CRHR2: variants seen among roughly 807,000 people sequenced by gnomAD.
CRHR2 encodes corticotropin-releasing hormone receptor 2.
CRHR2 carries 53 observed loss-of-function variants against 57.9 expected under a neutral mutation model. The ratio of observed to expected loss-of-function variants is 0.92; its 90% CI spans 0.73 to 1.15. The LOEUF is 1.15. Among genes scored for constraint, CRHR2 ranks in the 50% most tolerant of loss-of-function variants. The probability of loss-of-function intolerance (pLI) is 0.00; values close to 1 mark genes in which losing one functional copy is unlikely to be tolerated. For missense variants in CRHR2, 532 were observed against 542.6 expected, an observed-to-expected ratio of 0.98 and a Z score of 0.19; for synonymous variants, 213 against 220.9, an observed-to-expected ratio of 0.96 and a Z score of 0.32.
At chr7:30,692,850 G>A (rs898352227) in intron 1 of CRHR2, among the ~76,000 whole-genome samples, 6 of 152,178 alleles carry the variant, frequency 3.9e-5, no homozygotes, top group East Asian at 3.8e-4. Context: ...CCCACCAAAG[G>A]TCCCACTTCA....
upstream of CRHR2, among the ~76,000 whole-genome samples, chr7:30,683,298 G>A (rs535601829): frequency 6.6e-6 from 1 of 152,236 alleles, no homozygotes; most frequent in Admixed American, 6.5e-5. Flanking sequence ...TCTTCCTCAA[G>A]GCTTGGGCAG....
At chr7:30,664,573 A>G (rs1437851445) in intron 5 of CRHR2, among the ~76,000 whole-genome samples, 1 of 152,074 alleles carries the variant, frequency 6.6e-6, no homozygotes, top group Non-Finnish European at 1.5e-5. Context: ...ACTAGGATAA[A>G]TGTGTCTAGA....
At position 30,662,862 on chromosome 7, in the gene CRHR2, G is replaced by A; in HGVS notation, c.544-15C>T. ...CGGCACCAGACCTGTGTGCAGGGCA[G>A]AGAGGCTGTCAGGAGGCAGCTTGGG... On this transcript the variant is annotated splice_polypyrimidine_tract_variant and intron_variant, in intron 5 of 11. Transcript: ENST00000471646. 1.2e-6 allele frequency: 2 copies of A among 1,612,794 alleles called. No individual in the cohort carries two copies. Among genetic ancestry groups the A allele is most frequent in the Non-Finnish European group, 1.7e-6 (2 of 1,179,070 alleles).
At chr7:30,678,402 C>T (rs1414061177) in intron 2 of CRHR2, among the ~76,000 whole-genome samples, 1 of 152,292 alleles carries the variant, frequency 6.6e-6, no homozygotes, top group Middle Eastern at 3.4e-3. Flanking sequence ...GCCACTGAAG[C>T]GCCAGCACAG....
chr7:30,679,455 C>T (rs918432698), intron 2 of CRHR2, among the ~76,000 whole-genome samples: 1 of 152,032 alleles, frequency 6.6e-6, no homozygotes, highest in Non-Finnish European at 1.5e-5. Context: ...GGAGTGTGGG[C>T]GAGTGGGATT....
At chr7:30,662,657 C>A (rs374839242) in intron 6 of CRHR2, 37 bp downstream of exon 6, 27 of 1,598,990 alleles carry the variant, frequency 1.7e-5, no homozygotes, top group Non-Finnish European at 2.2e-5. Flanking sequence ...GAGAAGTCCT[C>A]CCCCCAACTA....
upstream of CRHR2, among the ~76,000 whole-genome samples, chr7:30,683,744 T>C (rs1438401655): frequency 6.6e-6 from 1 of 152,148 alleles, no homozygotes; most frequent in African/African-American, 2.4e-5. Context: ...AAGACATACA[T>C]GTGTGTTGTG....
chr7:30,697,969 A>C (rs548949058), intron 1 of CRHR2: 21 of 152,480 alleles, frequency 1.4e-4, no homozygotes, highest in Admixed American at 1.0e-3. Context: ...CCACAAGAAC[A>C]GGAACCAGAT....
At chr7:30,685,949 A>G (rs910877575), upstream of CRHR2, among the ~76,000 whole-genome samples, 1 of 151,882 alleles carries the variant, frequency 6.6e-6, no homozygotes, top group Non-Finnish European at 1.5e-5. Context: ...GTAATCATCT[A>G]TCCCTCATCC....
Position 30,653,809 on chromosome 7 carries a change from C to A in CRHR2, c.1096-209G>T, listed in dbSNP as rs1432185534. On this transcript the variant is annotated intron_variant, in intron 11 of 11. Transcript: ENST00000471646. This position sits in a 1 kb window ranked among gnomAD's most constrained non-coding sequence, Gnocchi z 5.0. Reference sequence around the variant, plus strand: ...TTTCCTGGAGAAGCTTGACTCCACACCTCCTTTACTCCACACTGTCCTCCC... The same window carrying A: ...TTTCCTGGAGAAGCTTGACTCCACAACTCCTTTACTCCACACTGTCCTCCC... 6.6e-6 allele frequency among the ~76,000 whole-genome samples: 1 copy of A among 152,162 alleles called. No homozygotes were observed. The highest frequency in any genetic ancestry group is 1.9e-4 in the East Asian group (1 of 5,180).
At chr7:30,693,328 C>A (rs1304072981) in intron 1 of CRHR2, among the ~76,000 whole-genome samples, 5 of 152,118 alleles carry the variant, frequency 3.3e-5, no homozygotes, top group Admixed American at 6.5e-5. Context: ...CCTTCCTACA[C>A]CTTGGGGAAG....
At chr7:30,692,444 G>A (rs1784980534) in intron 1 of CRHR2, among the ~76,000 whole-genome samples, 1 of 152,230 alleles carries the variant, frequency 6.6e-6, no homozygotes, top group East Asian at 1.9e-4. Context: ...GCGGTGCTCA[G>A]TGAATGCTCA....
intron 1 of CRHR2, among the ~76,000 whole-genome samples, chr7:30,690,164 C>T (rs865787099): frequency 2.2e-4 from 34 of 152,078 alleles, no homozygotes; most frequent in Non-Finnish European, 2.1e-4. Flanking sequence ...TACAGTTTTA[C>T]GGCATGTACG....
chr7:30,671,009 T>C (rs1784336199), intron 2 of CRHR2, among the ~76,000 whole-genome samples: 2 of 152,198 alleles, frequency 1.3e-5, no homozygotes, highest in Non-Finnish European at 2.9e-5. Context: ...GCTGACACTT[T>C]GCAAAGAGTT....
Position 30,682,171 on chromosome 7 carries a change from C to T in CRHR2, c.103+7G>A. On this transcript the variant is annotated splice_region_variant and intron_variant, in intron 1 of 11. Transcript: ENST00000471646. Reference sequence around the variant, plus strand: ...GCGCAGCCTCCGACCGCTCGCCTCCCGCCTACCCTCGGGGTCCAGGGGTGG... The same window carrying T: ...GCGCAGCCTCCGACCGCTCGCCTCCTGCCTACCCTCGGGGTCCAGGGGTGG... 1.3e-6 allele frequency: 2 copies of T among 1,565,958 alleles called. No individual in the cohort carries two copies. Among genetic ancestry groups the T allele is most frequent in the African/African-American group, 1.4e-5 (1 of 72,828 alleles).
intron 10 of CRHR2, 113 bp downstream of exon 10, chr7:30,655,467 G>A (rs1248197964): frequency 1.5e-6 from 2 of 1,313,316 alleles, no homozygotes; most frequent in Non-Finnish European, 2.1e-6. Flanking sequence ...CTCTGTGGAT[G>A]TAACTGAGCC....
intron 1 of CRHR2, among the ~76,000 whole-genome samples, chr7:30,694,850 G>T (rs1326281818): frequency 2.0e-5 from 3 of 149,132 alleles, no homozygotes; most frequent in African/African-American, 2.5e-5. Context: ...AGTAGGAAAA[G>T]GGAAGGGAAG....
rs577428438 is a variant in CRHR2, at chr7:30,665,049, C to T, written c.543+21G>A. Reference sequence around the variant, plus strand: ...GCCCAGAGCCCCCCAGGTATAGCCCCGAGTCTCCCCGAGCAATGACCTCAT... The same window carrying T: ...GCCCAGAGCCCCCCAGGTATAGCCCTGAGTCTCCCCGAGCAATGACCTCAT... On this transcript the variant is annotated intron_variant, in intron 5 of 11. Transcript: ENST00000471646. The surrounding 1 kb of genome is among the most constrained non-coding windows in gnomAD (Gnocchi z 4.5). 7.3e-5 allele frequency: 117 copies of T among 1,605,044 alleles called. No individual in the cohort carries two copies. The highest frequency in any genetic ancestry group is 3.8e-4 in the East Asian group (17 of 44,812).
chr7:30,655,570 C>T lies in CRHR2; in HGVS notation c.1053+10G>A, dbSNP rs763980710. ...TCACTGTGGGGCCCCCATCTGGTCA[C>T]AGGCCCCACCTGGAACGACTGCAGG... On this transcript the variant is annotated intron_variant, in intron 10 of 11. Coordinates refer to ENST00000471646, the MANE Select transcript of CRHR2 (RefSeq NM_001883.5). 34 of 1,607,876 alleles carry T rather than the reference C, an allele frequency of 2.1e-5. No homozygotes were observed. The highest frequency in any genetic ancestry group is 3.3e-4 in the Middle Eastern group (2 of 6,034).
Sources: gnomAD v4.1 joint callset for allele counts (sites outside exome capture counted in the v4.1 genomes callset) on GRCh38, gnomAD v4.1.1 for gene constraint, Gnocchi (gnomAD v3.1) non-coding constraint, MANE v1.5 for transcripts, NCBI Gene and HGNC (gene_info 2026-07-23, HGNC 2026-07-21) for gene names.